HIBCH: variants seen among roughly 807,000 people sequenced by gnomAD.
HIBCH encodes 3-hydroxyisobutyryl-CoA hydrolase, also known as 3-hydroxyisobutyryl-CoA hydrolase, mitochondrial.
A neutral mutation model predicts 58.2 loss-of-function variants in HIBCH; 50 were observed. That is an observed-to-expected ratio of 0.86 (90% CI 0.68 to 1.09). The LOEUF (loss-of-function observed/expected upper bound fraction) is 1.09, where lower values mean the gene tolerates loss of function less well. Among genes scored for constraint, HIBCH ranks in the 50% least tolerant of loss-of-function variants. The pLI, the probability that HIBCH is intolerant of heterozygous loss-of-function variation, is 0.00. For synonymous variants in HIBCH, 151 were observed against 146.9 expected, an observed-to-expected ratio of 1.03 and a Z score of -0.20; for missense variants, 450 against 449.7, an observed-to-expected ratio of 1.00 and a Z score of -0.01.
intron 11 of HIBCH, among the ~76,000 whole-genome samples, chr2:190,237,638 T>C: frequency 6.6e-6 from 1 of 152,172 alleles, no homozygotes; most frequent in East Asian, 1.9e-4. Flanking sequence ...GCATTCTTGC[T>C]GCAATGTGTA....
rs201205532 is a variant in HIBCH, at chr2:190,310,737, C to T, written c.78+17G>A. ...ACACATACAAATAATGCCAGCAAAA[C>T]AAACACAATAACTTACCAAATGGTG... On this transcript the variant is annotated intron_variant, in intron 2 of 13. Coordinates refer to ENST00000359678, the MANE Select transcript of HIBCH (RefSeq NM_014362.4). 1.1e-5 allele frequency: 17 copies of T among 1,594,906 alleles called. No homozygotes were observed. The East Asian group carries it at 2.9e-4, about 27-fold the overall frequency.
In HIBCH at chr2:190,296,870, T is replaced by C. The variant is rs150458129; in HGVS notation, c.162A>G (p.Pro54=). 7 of 1,614,040 alleles carry C rather than the reference T, an allele frequency of 4.3e-6. No individual in the cohort carries two copies. Among genetic ancestry groups the C allele is most frequent in the Non-Finnish European group, 4.2e-6 (5 of 1,179,888 alleles). The change falls in exon 3 of 14, where the codon CCA becomes CCG. Residue 54 remains proline (P), a synonymous_variant. Coordinates refer to ENST00000359678, the MANE Select transcript of HIBCH (RefSeq NM_014362.4). ...GCTGVITLNR[P]KFLNALTLNM... Reference sequence around the variant, plus strand: ...TAAGAGTCAGTGCATTGAGGAACTTTGGTCTGTTTAGTGTTATGACTCCCG... The same window carrying C: ...TAAGAGTCAGTGCATTGAGGAACTTCGGTCTGTTTAGTGTTATGACTCCCG...
downstream of HIBCH, chr2:190,201,616 A>T (rs1690246507): frequency 6.0e-6 from 1 of 167,086 alleles, no homozygotes; most frequent in African/African-American, 2.4e-5. Context: ...ACAATCAAAT[A>T]GAGTGAATTC....
At chr2:190,231,302 A>G (rs1030852776) in intron 11 of HIBCH, among the ~76,000 whole-genome samples, 3 of 152,248 alleles carry the variant, frequency 2.0e-5, no homozygotes, top group Non-Finnish European at 4.4e-5. Flanking sequence ...AAGTAGCTGA[A>G]GTTTTCTTAG....
chr2:190,286,522 T>C (rs543217560), intron 6 of HIBCH, among the ~76,000 whole-genome samples: 2 of 152,312 alleles, frequency 1.3e-5, no homozygotes, highest in South Asian at 2.1e-4. Flanking sequence ...TCTCCTCCAC[T>C]ACCTTTCTAG....
At chr2:190,318,848 A>G (rs937003080) in intron 1 of HIBCH, among the ~76,000 whole-genome samples, 9 of 152,238 alleles carry the variant, frequency 5.9e-5, no homozygotes, top group Admixed American at 2.6e-4. Context: ...TCTTAAATGT[A>G]TAACAAAAAT....
chr2:190,245,596 G>C (rs1213883719), intron 10 of HIBCH, among the ~76,000 whole-genome samples: 2 of 151,854 alleles, frequency 1.3e-5, no homozygotes, highest in Non-Finnish European at 2.9e-5. Context: ...AAAAAAAAAG[G>C]TATTTTGTAC....
chr2:190,296,810 A>G lies in HIBCH; in HGVS notation c.219+3T>C. The G allele has an allele frequency of 6.2e-7, 1 of 1,612,886 alleles. No homozygotes were observed. Among genetic ancestry groups the G allele is most frequent in the Non-Finnish European group, 8.5e-7 (1 of 1,178,864 alleles). On this transcript the variant is annotated splice_donor_region_variant and intron_variant, in intron 3 of 13. Coordinates refer to ENST00000359678, the MANE Select transcript of HIBCH (RefSeq NM_014362.4). Reference sequence around the variant, plus strand: ...ATATAATTGCAATAAGAAAATTACAAACCTTTAGCTGTGGATAAATCTGCC... The same window carrying G: ...ATATAATTGCAATAAGAAAATTACAGACCTTTAGCTGTGGATAAATCTGCC...
intron 6 of HIBCH, among the ~76,000 whole-genome samples, chr2:190,280,342 G>A (rs1687669363): frequency 6.6e-6 from 1 of 152,120 alleles, no homozygotes; most frequent in Non-Finnish European, 1.5e-5. Context: ...GTTAAGAGTA[G>A]GTAGCTAGGC....
chr2:190,210,218 C>T lies in HIBCH; in HGVS notation c.1012-1305G>A, dbSNP rs192885694. ...CTACACTCTAACTTCTGCCCCCACT[C>T]CTCTAAAATGGCTTGCCAAAACCAC... is the stretch of plus-strand genomic sequence containing the variant. On this transcript the variant is annotated intron_variant, in intron 12 of 13. Coordinates refer to ENST00000359678, the MANE Select transcript of HIBCH (RefSeq NM_014362.4). The surrounding 1 kb of genome is among the most constrained non-coding windows in gnomAD (Gnocchi z 5.5). Among the ~76,000 whole-genome samples, 1 of 152,306 alleles carries T rather than the reference C, an allele frequency of 6.6e-6. No homozygotes were observed. Among genetic ancestry groups the T allele is most frequent in the East Asian group, 1.9e-4 (1 of 5,180 alleles).
intron 11 of HIBCH, among the ~76,000 whole-genome samples, chr2:190,223,175 C>T (rs1288036672): frequency 1.3e-5 from 2 of 152,136 alleles, no homozygotes; most frequent in Non-Finnish European, 2.9e-5. Flanking sequence ...ATGTACGTGA[C>T]AGGTTGATGG....
intron 5 of HIBCH, among the ~76,000 whole-genome samples, chr2:190,288,494 T>C (rs1039238831): frequency 6.7e-6 from 1 of 149,212 alleles, no homozygotes; most frequent in Non-Finnish European, 1.5e-5. Context: ...ACATACTAGA[T>C]AGAGTACAAC....
chr2:190,199,858 A>G (rs1690161547), downstream of HIBCH: 1 of 1,613,194 alleles, frequency 6.2e-7, no homozygotes. Context: ...AGCTCTTCAT[A>G]ACATGGGCTG....
At chr2:190,257,776 G>C (rs916741065) in intron 7 of HIBCH, among the ~76,000 whole-genome samples, 1 of 152,118 alleles carries the variant, frequency 6.6e-6, no homozygotes, top group Non-Finnish European at 1.5e-5. Flanking sequence ...GGTGAGACAG[G>C]ACAAGAGAGC....
At chr2:190,237,357 C>G (rs541201602) in intron 11 of HIBCH, among the ~76,000 whole-genome samples, 1 of 152,316 alleles carries the variant, frequency 6.6e-6, no homozygotes, top group East Asian at 1.9e-4. Flanking sequence ...CATACTGCTT[C>G]CAAGATTTAT....
At chr2:190,270,526 C>T (rs1687367359) in intron 6 of HIBCH, among the ~76,000 whole-genome samples, 1 of 152,074 alleles carries the variant, frequency 6.6e-6, no homozygotes, top group Admixed American at 6.6e-5. Context: ...TTAAATCTAA[C>T]CAGGGAGAAT....
At chr2:190,308,996 T>C (rs1482304957) in intron 2 of HIBCH, among the ~76,000 whole-genome samples, 1 of 152,218 alleles carries the variant, frequency 6.6e-6, no homozygotes, top group African/African-American at 2.4e-5. Flanking sequence ...TGCCCTGTTA[T>C]ATAGAGATAA....
exon 2 of HIBCH, chr2:190,189,769 C>A (rs1357016083): frequency 1.3e-5 from 2 of 152,318 alleles, no homozygotes; most frequent in African/African-American, 4.8e-5. Context: ...TTATTGCCAT[C>A]ATTCTAAATC....
chr2:190,243,032 G>A lies in HIBCH; in HGVS notation c.891+1855C>T, dbSNP rs185198911. Among the ~76,000 whole-genome samples, 1 of 152,210 alleles carries A rather than the reference G, an allele frequency of 6.6e-6. No individual in the cohort carries two copies. Among genetic ancestry groups the A allele is most frequent in the African/African-American group, 2.4e-5 (1 of 41,454 alleles). On this transcript the variant is annotated intron_variant, in intron 11 of 13. Coordinates refer to ENST00000359678, the MANE Select transcript of HIBCH (RefSeq NM_014362.4). The surrounding 1 kb of genome is among the most constrained non-coding windows in gnomAD (Gnocchi z 4.1). ...GTTCAAGTTGACAAGGGGTGGACTT[G>A]TGATGGTGAATACTGAGTGTCAACT...
Sources: allele counts gnomAD v4.1 joint callset (sites outside exome capture counted in the v4.1 genomes callset), GRCh38; gene constraint gnomAD v4.1.1; non-coding constraint Gnocchi (gnomAD v3.1); transcripts MANE v1.5; gene names NCBI Gene and HGNC (gene_info 2026-07-23, HGNC 2026-07-21).